PCSK2: variants seen among roughly 807,000 people sequenced by gnomAD.
PCSK2 encodes the protein proprotein convertase subtilisin/kexin type 2, also known as neuroendocrine convertase 2.
PCSK2 carries 14 observed loss-of-function variants against 69.7 expected under a neutral mutation model. That is an observed-to-expected ratio of 0.20 (90% CI 0.13 to 0.31). PCSK2 has a LOEUF of 0.31. Among genes scored for constraint, PCSK2 ranks in the 10% least tolerant of loss-of-function variants. PCSK2 has a pLI of 1.00. For synonymous variants in PCSK2, 307 were observed against 320.7 expected (o/e 0.96, Z 0.46); for missense variants, 544 against 842.5 (o/e 0.65, Z 4.39).
intron 2 of PCSK2, among the ~76,000 whole-genome samples, chr20:17,301,188 G>A (rs1378731328): frequency 6.6e-6 from 1 of 152,148 alleles, no homozygotes; most frequent in African/African-American, 2.4e-5. Context: ...TTGGGAATGT[G>A]AACTTAGGTC....
At chr20:17,310,198 T>G (rs1989460905) in intron 2 of PCSK2, among the ~76,000 whole-genome samples, 1 of 152,134 alleles carries the variant, frequency 6.6e-6, no homozygotes, top group Non-Finnish European at 1.5e-5. Flanking sequence ...ACACGAGTCA[T>G]TCCAACCACC....
chr20:17,422,173 C>T (rs574073011), intron 6 of PCSK2, among the ~76,000 whole-genome samples: 44 of 152,150 alleles, frequency 2.9e-4, no homozygotes, highest in Admixed American at 1.5e-3. Flanking sequence ...AGCCTGGATG[C>T]ACTTGAGGAG....
chr20:17,338,705 G>C (rs74749159), intron 2 of PCSK2, among the ~76,000 whole-genome samples: 18,450 of 152,160 alleles, frequency 0.12, 1,249 homozygotes, highest in African/African-American at 0.16. Flanking sequence ...GAGTGAGAGA[G>C]GGGTCATTCC....
chr20:17,278,700 C>A (rs1316945159), intron 2 of PCSK2, among the ~76,000 whole-genome samples: 1 of 151,928 alleles, frequency 6.6e-6, no homozygotes, highest in African/African-American at 2.4e-5. Context: ...TGCACATGTA[C>A]CCTAAAACTT....
intron 2 of PCSK2, among the ~76,000 whole-genome samples, chr20:17,281,677 C>G (rs1485428695): frequency 5.9e-5 from 9 of 152,156 alleles, no homozygotes; most frequent in African/African-American, 1.9e-4. Flanking sequence ...TTTGCTGCCC[C>G]CTGTTGGTTG....
chr20:17,426,047 C>T (rs1297311072), intron 6 of PCSK2, among the ~76,000 whole-genome samples: 1 of 152,106 alleles, frequency 6.6e-6, no homozygotes, highest in African/African-American at 2.4e-5. Context: ...CAATACTGTA[C>T]CAGAATACCT....
chr20:17,325,006 C>A (rs1394250614), intron 2 of PCSK2, among the ~76,000 whole-genome samples: 2 of 152,138 alleles, frequency 1.3e-5, no homozygotes, highest in Non-Finnish European at 2.9e-5. Flanking sequence ...CCTCTTCTGC[C>A]CAGTCAAACT....
At chr20:17,402,516 A>G (rs555781426) in intron 5 of PCSK2, among the ~76,000 whole-genome samples, 44 of 152,164 alleles carry the variant, frequency 2.9e-4, no homozygotes, top group African/African-American at 9.4e-4. Context: ...ACTAAAAATT[A>G]GCCAGGCATG....
chr20:17,313,713 A>G (rs1989588403), intron 2 of PCSK2, among the ~76,000 whole-genome samples: 1 of 152,160 alleles, frequency 6.6e-6, no homozygotes, highest in Non-Finnish European at 1.5e-5. Flanking sequence ...ACAATAGGCT[A>G]TAATTTACAA....
At chr20:17,381,739 G>T (rs764184127) in intron 5 of PCSK2, among the ~76,000 whole-genome samples, 1 of 152,110 alleles carries the variant, frequency 6.6e-6, no homozygotes, top group Non-Finnish European at 1.5e-5. Flanking sequence ...AGCTATTCTG[G>T]TATGGGTATT....
intron 2 of PCSK2, among the ~76,000 whole-genome samples, chr20:17,274,032 C>T (rs779187446): frequency 2.0e-5 from 3 of 152,124 alleles, no homozygotes; most frequent in Non-Finnish European, 2.9e-5. Context: ...TGAAAAGAAG[C>T]TAAGAAGTGT....
intron 5 of PCSK2, among the ~76,000 whole-genome samples, chr20:17,374,105 T>C (rs1019695811): frequency 6.6e-6 from 1 of 152,216 alleles, no homozygotes; most frequent in African/African-American, 2.4e-5. Flanking sequence ...AATAACTGGG[T>C]ATTTTCTCTA....
At chr20:17,395,833 C>T (rs537578654) in intron 5 of PCSK2, among the ~76,000 whole-genome samples, 6 of 152,152 alleles carry the variant, frequency 3.9e-5, no homozygotes, top group Non-Finnish European at 7.3e-5. Flanking sequence ...ACAGCCCCTT[C>T]GATGAGGTGA....
chr20:17,317,816 A>G lies in PCSK2; in HGVS notation c.283-40511A>G, dbSNP rs187296340. Among the ~76,000 whole-genome samples the G allele has an allele frequency of 9.4e-4, 143 of 152,362 alleles. 1 individual carries two copies. The highest frequency in any genetic ancestry group is 1.6e-3 in the Non-Finnish European group (111 of 68,028). On this transcript the variant is annotated intron_variant, in intron 2 of 11. Transcript: ENST00000262545. Reference sequence around the variant, plus strand: ...AAGGGAACACATAAACAACACATGAAAGGTTGGAAAATAACAAAGAAAATA... The same window carrying G: ...AAGGGAACACATAAACAACACATGAGAGGTTGGAAAATAACAAAGAAAATA...
intron 2 of PCSK2, among the ~76,000 whole-genome samples, chr20:17,306,136 T>C (rs1989319602): frequency 6.6e-6 from 1 of 152,212 alleles, no homozygotes; most frequent in African/African-American, 2.4e-5. Context: ...TACAATCTTA[T>C]CTCCCTTTAG....
intron 1 of PCSK2, among the ~76,000 whole-genome samples, chr20:17,244,667 T>A (rs1036590944): frequency 6.6e-6 from 1 of 152,210 alleles, no homozygotes; most frequent in Admixed American, 6.5e-5. Context: ...GTCTCCTTCC[T>A]ACCCAAACAA....
chr20:17,394,401 A>G (rs2031461457), intron 5 of PCSK2, among the ~76,000 whole-genome samples: 1 of 152,184 alleles, frequency 6.6e-6, no homozygotes, highest in Non-Finnish European at 1.5e-5. Context: ...AAAGCGAGGG[A>G]TATCTGTTCA....
At chr20:17,441,408 G>A (rs2032592146) in intron 8 of PCSK2, among the ~76,000 whole-genome samples, 1 of 152,186 alleles carries the variant, frequency 6.6e-6, no homozygotes, top group Non-Finnish European at 1.5e-5. Flanking sequence ...GGCATCTGAT[G>A]GAGTAATTTT....
intron 2 of PCSK2, 115 bp from the exon 3 acceptor site, chr20:17,358,212 G>A (rs930594275): frequency 1.8e-5 from 12 of 650,068 alleles, no homozygotes; most frequent in Non-Finnish European, 2.8e-5. Context: ...ACTTGCTTTT[G>A]CCAAAGAAAA....
Sources: gnomAD v4.1 joint callset for allele counts (sites outside exome capture counted in the v4.1 genomes callset) on GRCh38, gnomAD v4.1.1 for gene constraint, MANE v1.5 for transcripts, NCBI Gene and HGNC (gene_info 2026-07-23, HGNC 2026-07-21) for gene names.